The following AFM variants were observed in gnomAD, a reference collection of about 807,000 sequenced individuals.
AFM encodes the protein afamin.
In AFM, 82 loss-of-function variants were observed where a neutral mutation model predicts 68.7. The observed-to-expected ratio is 1.19, with a 90% CI of 1.00 to 1.43. AFM has a LOEUF of 1.43. AFM is among the 40% of genes most tolerant of loss of function. The pLI is 0.00. For synonymous variants in AFM, 250 were observed against 234.2 expected, an observed-to-expected ratio of 1.07 and a Z score of -0.61; for missense variants, 772 against 701.8, an observed-to-expected ratio of 1.10 and a Z score of -1.13.
At chr4:73,491,538 T>A (rs181608247) in intron 7 of AFM, among the ~76,000 whole-genome samples, 1 of 152,312 alleles carries the variant, frequency 6.6e-6, no homozygotes, top group East Asian at 1.9e-4. Context: ...ACAAGTGGAC[T>A]CTTATGGAAA....
chr4:73,485,405 TA>T (rs990552942), intron 3 of AFM, among the ~76,000 whole-genome samples: 1 of 151,936 alleles, frequency 6.6e-6, no homozygotes, highest in African/African-American at 2.4e-5. Context: ...AGGGTTTGGG[TA>T]AAAATGCTTT....
rs1162856015 is a variant in AFM, at chr4:73,501,820, A to C, written c.1680A>C (p.Glu560Asp). The C allele has an allele frequency of 6.2e-7, 1 of 1,613,140 alleles. No individual in the cohort carries two copies. Among genetic ancestry groups the C allele is most frequent in the Non-Finnish European group, 8.5e-7 (1 of 1,179,570 alleles). The change falls in exon 13 of 15, where the codon GAA becomes GAC. Residue 560 changes from glutamate to aspartate, a missense_variant. Physicochemically the swap from Glu to Asp is conservative, Grantham distance 45. Coordinates refer to ENST00000226355, the MANE Select transcript of AFM (RefSeq NM_001133.2). ...FLVNLVKLKH[E>D]LTDEELQSLF... ...TCAACTTAGTGAAGCTGAAGCATGA[A>C]CTCACAGATGAAGAGCTGCAGTCTT...
chr4:73,485,510 A>G (rs1317692961), intron 3 of AFM, among the ~76,000 whole-genome samples: 1 of 151,930 alleles, frequency 6.6e-6, no homozygotes, highest in Non-Finnish European at 1.5e-5. Flanking sequence ...ACAACATATC[A>G]AGATCCCATT....
chr4:73,489,212 ACTTTT>A lies in AFM; in HGVS notation c.843+460_843+464del, dbSNP rs1384073666. Among the ~76,000 whole-genome samples the A allele has an allele frequency of 2.0e-5, 3 of 152,254 alleles. No individual in the cohort carries two copies. The East Asian group carries it at 5.8e-4, about 29-fold the overall frequency. On this transcript the variant is annotated intron_variant, in intron 7 of 14. Transcript: ENST00000226355. Reference sequence around the variant, plus strand: ...CCAAATAAGTGGATACATTAATTTAACTTTTCTTTTCCCTTTCTCTTTTGGTTCCT... The same window carrying A: ...CCAAATAAGTGGATACATTAATTTAACTTTTCCCTTTCTCTTTTGGTTCCT...
At chr4:73,499,035 G>C (rs1721339456) in intron 10 of AFM, 79 bp from the exon 11 acceptor site, 2 of 1,485,654 alleles carry the variant, frequency 1.3e-6, no homozygotes, top group Admixed American at 3.8e-5. Context: ...AGCCTTGAAG[G>C]GTCTGGGCTT....
At chr4:73,501,677 C>A in intron 12 of AFM, 110 bp from the exon 13 acceptor site, 1 of 1,240,250 alleles carries the variant, frequency 8.1e-7, no homozygotes, top group Non-Finnish European at 1.1e-6. Flanking sequence ...CAACTCTTTA[C>A]CCACACCCAA....
Position 73,503,088 on chromosome 4 carries a change from A to G in AFM, c.*18A>G, listed in dbSNP as rs779777258. 33 of 1,612,556 alleles carry G rather than the reference A, an allele frequency of 2.0e-5. No individual in the cohort carries two copies. The highest frequency in any genetic ancestry group is 2.7e-5 in the Non-Finnish European group (32 of 1,178,964). On this transcript the variant is annotated 3_prime_UTR_variant, in exon 14 of 15. Coordinates refer to ENST00000226355, the MANE Select transcript of AFM (RefSeq NM_001133.2). The stretch of plus-strand genomic sequence containing the variant: ...GCAACTGAAGCCAGCTGCTGGAGAT[A>G]TGTAAAGAAAAAAGCACCAAAGGTA...
In AFM at chr4:73,483,972, A is replaced by G. The variant is rs907038646; in HGVS notation, c.120A>G (p.Glu40=). Residue 40 remains glutamate (E), a synonymous_variant, in exon 2 of 15, where the codon GAA becomes GAG. Transcript: ENST00000226355. ...ENFNSTQKFI[E]DNIEYITIIA... is the part of the protein sequence containing the mutation. Reference sequence around the variant, plus strand: ...TCAATAGTACTCAAAAATTTATAGAAGATAATATTGAATACATGTGAGTTG... The same window carrying G: ...TCAATAGTACTCAAAAATTTATAGAGGATAATATTGAATACATGTGAGTTG... 1.6e-5 allele frequency: 25 copies of G among 1,531,642 alleles called. No homozygotes were observed. The highest frequency in any genetic ancestry group is 2.1e-5 in the Non-Finnish European group (23 of 1,117,740). 94.9% of individuals were successfully genotyped at this position (1,531,642 alleles called of 1,614,324 possible).
At chr4:73,500,552 C>T (rs1721400199) in intron 12 of AFM, among the ~76,000 whole-genome samples, 1 of 152,096 alleles carries the variant, frequency 6.6e-6, no homozygotes, top group African/African-American at 2.4e-5. Context: ...CGGAGAATAT[C>T]ATTTAGTGTT....
intron 8 of AFM, among the ~76,000 whole-genome samples, chr4:73,492,867 G>GTTT (rs1228681895): frequency 7.8e-5 from 11 of 140,414 alleles, no homozygotes; most frequent in African/African-American, 2.9e-4. Flanking sequence ...GGACTTTACT[G>GTTT]TTTTTTTTTT....
At chr4:73,499,910 T>C in intron 11 of AFM, 94 bp from the exon 12 acceptor site, 1 of 1,020,944 alleles carries the variant, frequency 9.8e-7, no homozygotes, top group East Asian at 2.4e-5. Flanking sequence ...TTAACAGTGA[T>C]CTTAGAAAGA....
intron 7 of AFM, among the ~76,000 whole-genome samples, 193 bp from the exon 8 acceptor site, chr4:73,491,679 G>C (rs990375122): frequency 2.0e-5 from 3 of 152,114 alleles, no homozygotes; most frequent in African/African-American, 7.2e-5. Context: ...CTTAAATCCT[G>C]AGAAGTTTTA....
intron 7 of AFM, 113 bp from the exon 8 acceptor site, chr4:73,491,759 T>G (rs1160190439): frequency 1.1e-6 from 1 of 891,270 alleles, no homozygotes; most frequent in Non-Finnish European, 1.8e-6. Context: ...GCAAATTAAT[T>G]GATGAAGTGA....
chr4:73,494,473 CT>C (rs1166027623), intron 8 of AFM, among the ~76,000 whole-genome samples: 1 of 152,030 alleles, frequency 6.6e-6, no homozygotes, highest in Non-Finnish European at 1.5e-5. Context: ...AAAGAGTTCG[CT>C]TGGTAAAGAA....
At position 73,500,229 on chromosome 4, in the gene AFM, T is replaced by TA; in HGVS notation, c.1646+3dup. 1 of 1,604,264 alleles carries TA rather than the reference T, an allele frequency of 6.2e-7. No individual in the cohort carries two copies. Among genetic ancestry groups the TA allele is most frequent in the Non-Finnish European group, 8.5e-7 (1 of 1,173,746 alleles). On this transcript the variant is annotated splice_region_variant and intron_variant, in intron 12 of 14. Coordinates refer to ENST00000226355, the MANE Select transcript of AFM (RefSeq NM_001133.2). ...GGAGCTTCAGAGGAAGACAGACAGG[T>TA]ACAAATAATCTCTTCCATTCTTCTT...
intron 8 of AFM, among the ~76,000 whole-genome samples, chr4:73,493,783 A>G (rs1419911140): frequency 6.6e-6 from 1 of 152,224 alleles, no homozygotes; most frequent in African/African-American, 2.4e-5. Context: ...TGTGGATATT[A>G]AATCAAGTTC....
chr4:73,488,384 G>C (rs1037086313), intron 6 of AFM, among the ~76,000 whole-genome samples: 4 of 148,902 alleles, frequency 2.7e-5, no homozygotes, highest in Non-Finnish European at 6.0e-5. Context: ...ATGGAAGAAA[G>C]CACACCTCTC....
intron 7 of AFM, among the ~76,000 whole-genome samples, chr4:73,489,694 G>C (rs1459191337): frequency 6.6e-6 from 1 of 152,160 alleles, no homozygotes; most frequent in South Asian, 2.1e-4. Context: ...CCAAGGAAAA[G>C]TATTGGTACG....
In AFM at chr4:73,484,335, A is replaced by C; in HGVS notation, c.215A>C (p.Glu72Ala). 1 of 1,613,446 alleles carries C rather than the reference A, an allele frequency of 6.2e-7. No individual in the cohort carries two copies. Among genetic ancestry groups the C allele is most frequent in the Non-Finnish European group, 8.5e-7 (1 of 1,179,740 alleles). ...GAAAAGCTGGTGAAAGACATGGTAG[A>C]ATACAAAGACAGATGTATGGCTGAC... ...EMEKLVKDMV[E>A]YKDRCMADKT... is the part of the protein sequence containing the mutation. The change falls in exon 3 of 15, where the codon GAA (glutamate) becomes GCA (alanine). Residue 72 changes from glutamate to alanine, a missense_variant. By Grantham distance (107) the Glu-to-Ala change is moderately radical (BLOSUM62 -1). Coordinates refer to ENST00000226355, the MANE Select transcript of AFM (RefSeq NM_001133.2).
Sources: allele counts gnomAD v4.1 joint callset (sites outside exome capture counted in the v4.1 genomes callset), GRCh38; gene constraint gnomAD v4.1.1; transcripts MANE v1.5; gene names NCBI Gene and HGNC (gene_info 2026-07-23, HGNC 2026-07-21).